CACNA1H: variants seen among roughly 807,000 people sequenced by gnomAD.
CACNA1H encodes voltage-dependent T-type calcium channel subunit alpha-1H.
CACNA1H carries 149 observed loss-of-function variants against 192.5 expected under a neutral mutation model. The observed-to-expected ratio is 0.77, with a 90% CI of 0.68 to 0.89. The LOEUF (loss-of-function observed/expected upper bound fraction) is 0.89, where lower values mean the gene tolerates loss of function less well. CACNA1H is among the 40% of genes least tolerant of loss of function. The pLI is 0.00. For missense variants in CACNA1H, 4,257 were observed against 3,423.5 expected (o/e 1.24, Z -6.08); for synonymous variants, 2,202 against 1,475.2 (o/e 1.49, Z -11.29).
At chr16:1,214,252 G>C (rs1468412284) in intron 27 of CACNA1H, among the ~76,000 whole-genome samples, 1 of 152,114 alleles carries the variant, frequency 6.6e-6, no homozygotes, top group African/African-American at 2.4e-5. Flanking sequence ...GCAGGCCTGA[G>C]GTGGAGTTTT....
Position 1,153,173 on chromosome 16 carries a change from C to CCCGCGCA in CACNA1H, c.-310_-309insACCGCGC, listed in dbSNP as rs1331260172. On this transcript the variant is annotated 5_prime_UTR_variant, in exon 1 of 35. Transcript: ENST00000348261. ...CGCTCGCTGCCTCACCGGTCCCCGG[C>CCCGCGCA]CCGCGCCCCGCGCCCCGCGCCCCGC... 4 of 139,362 alleles carry CCCGCGCA rather than the reference C, an allele frequency of 2.9e-5. No homozygotes were observed. Among genetic ancestry groups the CCCGCGCA allele is most frequent in the African/African-American group, 1.0e-4 (4 of 38,908 alleles). The allele number at this position is 139,362 out of a possible 1,614,324, so 8.6% of individuals were successfully genotyped here.
chr16:1,190,659 A>G (rs531501499), intron 2 of CACNA1H, among the ~76,000 whole-genome samples: 2 of 152,170 alleles, frequency 1.3e-5, no homozygotes, highest in South Asian at 4.1e-4. Context: ...GGCCCCCCAG[A>G]CCCTGCTATA....
chr16:1,153,525 G>T (rs1215345670), intron 1 of CACNA1H, 55 bp downstream of exon 1: 2 of 300,076 alleles, frequency 6.7e-6, no homozygotes, highest in Non-Finnish European at 1.2e-5. Context: ...CGCGAAGCGG[G>T]CCGGGGAGCC....
intron 2 of CACNA1H, among the ~76,000 whole-genome samples, chr16:1,154,518 T>G (rs940099526): frequency 6.6e-6 from 1 of 151,700 alleles, no homozygotes; most frequent in Non-Finnish European, 1.5e-5. Flanking sequence ...TGGTTCCGAG[T>G]GCGTGGGGAG....
At position 1,154,251 on chromosome 16, in the gene CACNA1H, C is replaced by T. The variant is rs1027114085; in HGVS notation, c.299+215C>T. Among the ~76,000 whole-genome samples, 3 of 152,150 alleles carry T rather than the reference C, an allele frequency of 2.0e-5. No homozygotes were observed. In the South Asian group the frequency reaches 6.2e-4, roughly 32 times the overall value. ...GGGGCCACCGGGCGCCTCCGGACTC[C>T]CTTCCCCAGGGCCGGCTCCGGACGG... On this transcript the variant is annotated intron_variant, in intron 2 of 34. Transcript: ENST00000348261.
rs1269507586 is a variant in CACNA1H at position 1,214,989 on chromosome 16, C to G, written c.4947C>G (p.Leu1649=). 12 of 1,610,600 alleles carry G rather than the reference C, an allele frequency of 7.5e-6. No homozygotes were observed. Among genetic ancestry groups the G allele is most frequent in the Admixed American group, 1.7e-5 (1 of 59,640 alleles). The change falls in exon 28 of 35, where the codon CTC becomes CTG. Residue 1649 remains leucine, a synonymous_variant. Transcript: ENST00000348261. ...ACCCCCAGTCGCTGGACGAGGCCCT[C>G]AAGTACTGCAACTACGTCTTCACCA... is the stretch of plus-strand genomic sequence containing the variant. The part of the protein sequence containing the change: ...YNQPKSLDEA[L]KYCNYVFTIV...
chr16:1,209,803 C>T (rs1282892014), intron 17 of CACNA1H, among the ~76,000 whole-genome samples: 11 of 152,186 alleles, frequency 7.2e-5, no homozygotes, highest in Non-Finnish European at 1.5e-5. Context: ...CACCTGGCCC[C>T]GTGGACTCCA....
In CACNA1H at chr16:1,219,039, C is replaced by T. The variant is rs1165393509; in HGVS notation, c.5957C>T (p.Ser1986Leu). Residue 1986 changes from serine to leucine, a missense_variant, in exon 34 of 35, where the codon TCG becomes TTG. Ser to Leu is a moderately radical substitution (Grantham distance 145). Coordinates refer to ENST00000348261, the MANE Select transcript of CACNA1H (RefSeq NM_021098.3). ...TCCCTCCAGATCCCATTGGCTGTGT[C>T]GTCCCCAGCCAGGAGCGGCGAGCCC... Reference protein sequence around the residue: ...CASLQIPLAVSSPARSGEPLH... With the variant: ...CASLQIPLAVLSPARSGEPLH... 15 of 1,549,762 alleles carry T rather than the reference C, an allele frequency of 9.7e-6. No individual in the cohort carries two copies. The highest frequency in any genetic ancestry group is 1.7e-4 in the Middle Eastern group (1 of 6,010).
At position 1,202,428 on chromosome 16, in the gene CACNA1H, A is replaced by G. The variant is rs1375770579; in HGVS notation, c.1978A>G (p.Ile660Val). ...GAACAGCCCTGATCCCTACGAGAAG[A>G]TCCCGCATGTGGTCGGGGAGCATGG... ...SLNSPDPYEK[I>V]PHVVGEHGLG... The change falls in exon 9 of 35, where the codon ATC becomes GTC. Residue 660 changes from isoleucine to valine, a missense_variant. Coordinates refer to ENST00000348261, the MANE Select transcript of CACNA1H (RefSeq NM_021098.3). 1.3e-6 allele frequency: 2 copies of G among 1,509,350 alleles called. No homozygotes were observed. Among genetic ancestry groups the G allele is most frequent in the African/African-American group, 1.4e-5 (1 of 72,222 alleles). The allele number at this position is 1,509,350 out of a possible 1,614,324, so 93.5% of individuals were successfully genotyped here. A position where few individuals can be genotyped will look rare whatever the true frequency, so the allele number is the denominator to read the frequency against.
In CACNA1H at chr16:1,207,255, G is replaced by C. The variant is rs1436280051; in HGVS notation, c.2908-20G>C. Reference sequence around the variant, plus strand: ...TTTCGGGGCTGGGGTGACCACCCCAGGCCCCCTGCTATCCCCCAGATCCTG... The same window carrying C: ...TTTCGGGGCTGGGGTGACCACCCCACGCCCCCTGCTATCCCCCAGATCCTG... On this transcript the variant is annotated intron_variant, in intron 13 of 34. Transcript: ENST00000348261. The C allele has an allele frequency of 1.9e-6, 3 of 1,593,650 alleles. No individual in the cohort carries two copies. The highest frequency in any genetic ancestry group is 1.7e-6 in the Non-Finnish European group (2 of 1,168,640).
chr16:1,183,243 G>T (rs1030058649), intron 2 of CACNA1H, among the ~76,000 whole-genome samples: 1 of 152,168 alleles, frequency 6.6e-6, no homozygotes, highest in African/African-American at 2.4e-5. Flanking sequence ...CCCCTGACGG[G>T]TTCTATTGCG....
At position 1,221,260 on chromosome 16, in the gene CACNA1H, C is replaced by T. The variant is rs563186364; in HGVS notation, c.*266C>T. 2.1e-5 allele frequency: 10 copies of T among 466,818 alleles called. No individual in the cohort carries two copies. Among genetic ancestry groups the T allele is most frequent in the African/African-American group, 7.8e-5 (4 of 51,100 alleles). 28.9% of individuals were successfully genotyped at this position (466,818 alleles called of 1,614,324 possible). A position where few individuals can be genotyped will look rare whatever the true frequency, so the allele number is the denominator to read the frequency against. On this transcript the variant is annotated 3_prime_UTR_variant, in exon 35 of 35. Transcript: ENST00000348261. ...TGTGCGGGCAACTGGGTCAGCCTCC[C>T]GTCAGGAGAGAAGCCGCGTCTGTGG...
At position 1,200,732 on chromosome 16, in the gene CACNA1H, G is replaced by A. The variant is rs1271962622; in HGVS notation, c.1136G>A (p.Gly379Asp). 6.4e-6 allele frequency: 10 copies of A among 1,561,942 alleles called. No individual in the cohort carries two copies. The highest frequency in any genetic ancestry group is 1.4e-5 in the African/African-American group (1 of 73,392). Residue 379 changes from glycine to aspartate, a missense_variant, in exon 8 of 35, where the codon GGC becomes GAC. Gly to Asp is a moderately conservative substitution (Grantham distance 94, BLOSUM62 -1). Transcript: ENST00000348261. ...IAIFQVITLE[G>D]WVDIMYYVMD... ...CCCCCCCAGGTGATCACGCTGGAAGGCTGGGTGGACATCATGTACTACGTC... is the reference window on the plus strand; with the variant it reads ...CCCCCCCAGGTGATCACGCTGGAAGACTGGGTGGACATCATGTACTACGTC...
At position 1,201,825 on chromosome 16, in the gene CACNA1H, G is replaced by C. The variant is rs1003194289; in HGVS notation, c.1375G>C (p.Glu459Gln). The change falls in exon 9 of 35, where the codon GAG (glutamate) becomes CAG (glutamine). Residue 459 changes from glutamate to glutamine, a missense_variant. Coordinates refer to ENST00000348261, the MANE Select transcript of CACNA1H (RefSeq NM_021098.3). ...CTCCGAGCCTGGCAGCTGCTACGAA[G>C]AGCTGCTGAAGTACGTGGGCCACAT... ...SFSEPGSCYEELLKYVGHIFR... is the reference protein window; with the variant it reads ...SFSEPGSCYEQLLKYVGHIFR... 2.5e-6 allele frequency: 4 copies of C among 1,580,208 alleles called. No individual in the cohort carries two copies. In the Admixed American group the frequency reaches 7.3e-5, roughly 29 times the overall value.
chr16:1,219,214 A>T, intron 34 of CACNA1H, 84 bp downstream of exon 34: 1 of 1,335,268 alleles, frequency 7.5e-7, no homozygotes, highest in African/African-American at 1.5e-5. Context: ...AAGGACCAGC[A>T]GACGAGGACA....
At chr16:1,199,512 C>T (rs1409894680) in intron 6 of CACNA1H, among the ~76,000 whole-genome samples, 1 of 149,050 alleles carries the variant, frequency 6.7e-6, no homozygotes, top group South Asian at 2.2e-4. Context: ...TATGTCCCAC[C>T]CCCAGTGCTG....
rs150240635 is a variant in CACNA1H at position 1,211,045 on chromosome 16, C to T, written c.4223+74C>T. 1,170 of 1,554,420 alleles carry T rather than the reference C, an allele frequency of 7.5e-4. 11 individuals are homozygous for T. In the African/African-American group the frequency reaches 0.014, roughly 18 times the overall value. On this transcript the variant is annotated intron_variant, in intron 21 of 34. Transcript: ENST00000348261. ...CTGACGCCACTGCCCATTACTCCTC[C>T]CGCAGTCCTGGGCTGTTCGCAGGCC...
Position 1,220,680 on chromosome 16 carries a change from C to T in CACNA1H, c.6748C>T (p.Arg2250Cys), listed in dbSNP as rs375586314. The T allele has an allele frequency of 3.7e-5, 59 of 1,609,328 alleles. No individual in the cohort carries two copies. Among genetic ancestry groups the T allele is most frequent in the African/African-American group, 1.1e-4 (8 of 74,780 alleles). ...GGGGGACCCTGCAGCCAAGGGGGAGCGCTGGGGCCAGGCCTCCTGCCGGGC... is the reference window on the plus strand; with the variant it reads ...GGGGGACCCTGCAGCCAAGGGGGAGTGCTGGGGCCAGGCCTCCTGCCGGGC... The part of the protein sequence containing the change: ...AGGDPAAKGE[R>C]WGQASCRAEH... The change falls in exon 35 of 35, where the codon CGC (arginine) becomes TGC (cysteine). Residue 2250 changes from arginine (R) to cysteine (C), a missense_variant. By Grantham distance (180) the Arg-to-Cys change is radical. Coordinates refer to ENST00000348261, the MANE Select transcript of CACNA1H (RefSeq NM_021098.3).
rs1199118621 is a variant in CACNA1H at position 1,220,123 on chromosome 16, C to T, written c.6191C>T (p.Pro2064Leu). 9.4e-6 allele frequency: 14 copies of T among 1,491,380 alleles called. No homozygotes were observed. The highest frequency in any genetic ancestry group is 1.5e-5 in the African/African-American group (1 of 68,648). 92.4% of individuals were successfully genotyped at this position (1,491,380 alleles called of 1,614,324 possible). ...CAGTCCCCACCACGCTCCCCACGGC[C>T]CGCCAGCGTCCGCACTCGTAAGCAT... ...SLQSPPRSPR[P>L]ASVRTRKHTF... The change falls in exon 35 of 35, where the codon CCC becomes CTC. Residue 2064 changes from proline (P) to leucine (L), a missense_variant. Transcript: ENST00000348261.
Sources: gnomAD v4.1 joint callset for allele counts (sites outside exome capture counted in the v4.1 genomes callset) on GRCh38, gnomAD v4.1.1 for gene constraint, MANE v1.5 for transcripts, NCBI Gene and HGNC (gene_info 2026-07-23, HGNC 2026-07-21) for gene names.